TMEM135: variants seen among roughly 807,000 people sequenced by gnomAD.
The protein encoded by TMEM135 is transmembrane protein 135.
Under a neutral mutation model 60.3 loss-of-function variants are expected in TMEM135, and 30 were observed. The ratio of observed to expected loss-of-function variants is 0.50; its 90% CI spans 0.37 to 0.68. The LOEUF (loss-of-function observed/expected upper bound fraction) is 0.68, where lower values mean the gene tolerates loss of function less well. TMEM135 is among the 30% of genes least tolerant of loss of function. The probability of loss-of-function intolerance (pLI) is 0.00; values close to 1 mark genes in which losing one functional copy is unlikely to be tolerated. For missense variants in TMEM135, 468 were observed against 548.8 expected (o/e 0.85, Z 1.47); for synonymous variants, 190 against 186.7 (o/e 1.02, Z -0.14).
chr11:87,212,824 G>GTGC (rs1940404890), intron 5 of TMEM135, among the ~76,000 whole-genome samples: 1 of 105,544 alleles, frequency 9.5e-6, no homozygotes, highest in East Asian at 2.8e-4. Flanking sequence ...CCTGATTTTG[G>GTGC]AAAAAAAAAA....
intron 1 of TMEM135, among the ~76,000 whole-genome samples, chr11:87,063,986 G>T (rs777448564): frequency 3.4e-4 from 51 of 152,146 alleles, no homozygotes; most frequent in Non-Finnish European, 4.6e-4. Context: ...GAGTTATGGG[G>T]TAGACATTTA....
At chr11:87,223,252 C>CGAT (rs1166942275) in intron 5 of TMEM135, among the ~76,000 whole-genome samples, 9 of 150,894 alleles carry the variant, frequency 6.0e-5, no homozygotes, top group African/African-American at 2.2e-4. Flanking sequence ...GCAAGCTCTG[C>CGAT]CTCCCGGGTT....
intron 5 of TMEM135, among the ~76,000 whole-genome samples, chr11:87,162,760 G>T (rs998871138): frequency 6.6e-6 from 1 of 152,110 alleles, no homozygotes; most frequent in Non-Finnish European, 1.5e-5. Flanking sequence ...TGGGTCAAAT[G>T]GTATTTCTGG....
chr11:87,142,585 T>C (rs1045013451), intron 4 of TMEM135, among the ~76,000 whole-genome samples: 10 of 152,152 alleles, frequency 6.6e-5, no homozygotes, highest in Non-Finnish European at 1.5e-4. Context: ...GCTTTTAAGA[T>C]TTTTTTCTCT....
intron 5 of TMEM135, among the ~76,000 whole-genome samples, chr11:87,205,794 T>C (rs1940221051): frequency 1.3e-5 from 2 of 152,182 alleles, no homozygotes; most frequent in Non-Finnish European, 2.9e-5. Flanking sequence ...ATCTGTATCC[T>C]CTTGTTTTGA....
chr11:87,316,785 T>G (rs2134532487), intron 12 of TMEM135, among the ~76,000 whole-genome samples: 1 of 152,100 alleles, frequency 6.6e-6, no homozygotes, highest in South Asian at 2.1e-4. Context: ...CAGAGTTTTT[T>G]AAGGCAAGGA....
At chr11:87,145,551 G>A (rs1938390934) in intron 4 of TMEM135, among the ~76,000 whole-genome samples, 1 of 151,974 alleles carries the variant, frequency 6.6e-6, no homozygotes, top group Non-Finnish European at 1.5e-5. Context: ...CCCACCAAGA[G>A]TATATAAAGG....
intron 5 of TMEM135, among the ~76,000 whole-genome samples, chr11:87,203,936 T>C (rs907850124): frequency 2.6e-5 from 4 of 152,182 alleles, no homozygotes; most frequent in Non-Finnish European, 5.9e-5. Context: ...TCGTTCGTTT[T>C]CCAAGTGAAA....
intron 5 of TMEM135, among the ~76,000 whole-genome samples, chr11:87,225,052 G>A (rs619565): frequency 0.78 from 119,133 of 151,998 alleles, 47,427 homozygotes; most frequent in Non-Finnish European, 0.83. Flanking sequence ...CATTGTATAG[G>A]TAACGAGCTT....
Position 87,105,207 on chromosome 11 carries a change from G to T in TMEM135, c.396+13812G>T, listed in dbSNP as rs571721503. 2.0e-4 allele frequency among the ~76,000 whole-genome samples: 30 copies of T among 152,236 alleles called. No homozygotes were observed. In the East Asian group the frequency reaches 3.5e-3, roughly 18 times the overall value. Reference sequence around the variant, plus strand: ...CCTGCTAATGTGGCATATCACAGGGGTCCCCAAACCCTGGGCCATGAACCT... The same window carrying T: ...CCTGCTAATGTGGCATATCACAGGGTTCCCCAAACCCTGGGCCATGAACCT... On this transcript the variant is annotated intron_variant, in intron 4 of 14. Coordinates refer to ENST00000305494, the MANE Select transcript of TMEM135 (RefSeq NM_022918.4).
chr11:87,170,195 T>C (rs1939195247), intron 5 of TMEM135, among the ~76,000 whole-genome samples: 1 of 152,178 alleles, frequency 6.6e-6, no homozygotes, highest in South Asian at 2.1e-4. Flanking sequence ...CTAACCTTTT[T>C]TCATGGTTTT....
At chr11:87,163,441 TG>T (rs1201020847) in intron 5 of TMEM135, among the ~76,000 whole-genome samples, 2 of 148,260 alleles carry the variant, frequency 1.3e-5, no homozygotes, top group East Asian at 4.1e-4. Context: ...CTATCATTGT[TG>T]GACATTTGGG....
In TMEM135 at chr11:87,082,001, A is replaced by C. The variant is rs1166539530; in HGVS notation, c.363-9361A>C. ...TTTTGTTTATTAGGTGATGCAGTTA[A>C]CAATACTGGGAGATAGCTCTGTAGT... On this transcript the variant is annotated intron_variant, in intron 3 of 14. Coordinates refer to ENST00000305494, the MANE Select transcript of TMEM135 (RefSeq NM_022918.4). 5.3e-5 allele frequency among the ~76,000 whole-genome samples: 8 copies of C among 152,204 alleles called. No individual in the cohort carries two copies. In the East Asian group the frequency reaches 1.5e-3, roughly 29 times the overall value.
intron 4 of TMEM135, among the ~76,000 whole-genome samples, chr11:87,115,560 A>G (rs533107865): frequency 1.3e-5 from 2 of 152,248 alleles, no homozygotes; most frequent in East Asian, 3.9e-4. Context: ...TTTGAGGTAT[A>G]TAAATTGTGC....
chr11:87,321,575 T>C lies in TMEM135; in HGVS notation c.*242T>C. ...TGGATCACTGTAGTGACTGACATTA[T>C]ATATTATTGATCAAATTATGTCCAC... On this transcript the variant is annotated 3_prime_UTR_variant, in exon 15 of 15. Transcript: ENST00000305494. 1 of 641,648 alleles carries C rather than the reference T, an allele frequency of 1.6e-6. No homozygotes were observed. Among genetic ancestry groups the C allele is most frequent in the Non-Finnish European group, 2.9e-6 (1 of 349,034 alleles). 39.7% of individuals were successfully genotyped at this position (641,648 alleles called of 1,614,324 possible).
intron 1 of TMEM135, among the ~76,000 whole-genome samples, chr11:87,063,014 A>T (rs916696808): frequency 2.0e-5 from 3 of 152,186 alleles, no homozygotes; most frequent in African/African-American, 7.2e-5. Context: ...TATTTCTCAC[A>T]CTTGTTCTCC....
intron 6 of TMEM135, among the ~76,000 whole-genome samples, chr11:87,269,091 C>T (rs919819698): frequency 2.0e-4 from 30 of 150,402 alleles, no homozygotes; most frequent in African/African-American, 6.3e-4. Flanking sequence ...ATACGCAATG[C>T]ACATTTTATT....
chr11:87,244,943 C>A lies in TMEM135; in HGVS notation c.509+8259C>A, dbSNP rs184263363. ...TTCTAGTTCTTTTAATTGCGATGTT[C>A]GGGTGTCAATTTTGGATCTTTCCTG... On this transcript the variant is annotated intron_variant, in intron 6 of 14. Transcript: ENST00000305494. Among the ~76,000 whole-genome samples the A allele has an allele frequency of 5.3e-5, 8 of 151,424 alleles. No individual in the cohort carries two copies. In the East Asian group the frequency reaches 1.6e-3, roughly 29 times the overall value.
At position 87,325,910 on chromosome 11, in the gene TMEM135, C is replaced by T. The variant is rs866775758; in HGVS notation, c.*4577C>T. On this transcript the variant is annotated 3_prime_UTR_variant, in exon 15 of 15. Coordinates refer to ENST00000305494, the MANE Select transcript of TMEM135 (RefSeq NM_022918.4). ...ATTTTTTTTCCATCTGTCCCTCCTACGAATATGTTTTACATGAAATAATGT... is the reference window on the plus strand; with the variant it reads ...ATTTTTTTTCCATCTGTCCCTCCTATGAATATGTTTTACATGAAATAATGT... The T allele has an allele frequency of 5.7e-5, 26 of 453,764 alleles. No individual in the cohort carries two copies. The highest frequency in any genetic ancestry group is 2.2e-4 in the African/African-American group (11 of 49,930). The allele number at this position is 453,764 out of a possible 1,614,324, so 28.1% of individuals were successfully genotyped here. A position where few individuals can be genotyped will look rare whatever the true frequency, so the allele number is the denominator to read the frequency against.
Sources: allele counts gnomAD v4.1 joint callset (sites outside exome capture counted in the v4.1 genomes callset), GRCh38; gene constraint gnomAD v4.1.1; transcripts MANE v1.5; gene names NCBI Gene and HGNC (gene_info 2026-07-23, HGNC 2026-07-21).